PACRG: variants seen among roughly 807,000 people sequenced by gnomAD.
PACRG encodes parkin coregulated gene protein.
A neutral mutation model predicts 29.7 loss-of-function variants in PACRG; 29 were observed. The ratio of observed to expected loss-of-function variants is 0.98; its 90% confidence interval spans 0.73 to 1.33. The LOEUF (loss-of-function observed/expected upper bound fraction) is 1.33, where lower values mean the gene tolerates loss of function less well. PACRG is among the 40% of genes most tolerant of loss of function. The probability of loss-of-function intolerance (pLI) is 0.00; values close to 1 mark genes in which losing one functional copy is unlikely to be tolerated. For synonymous variants in PACRG, 116 were observed against 118.7 expected, an observed-to-expected ratio of 0.98 and a Z score of 0.15; for missense variants, 279 against 316.2, an observed-to-expected ratio of 0.88 and a Z score of 0.89.
chr6:163,072,404 C>T (rs1191765983), intron 3 of PACRG, among the ~76,000 whole-genome samples: 1 of 152,080 alleles, frequency 6.6e-6, no homozygotes, highest in African/African-American at 2.4e-5. Context: ...AAATGTTTAA[C>T]ATCCCTTCAT....
At chr6:162,969,066 A>AG (rs1251729598) in intron 2 of PACRG, among the ~76,000 whole-genome samples, 1 of 150,628 alleles carries the variant, frequency 6.6e-6, no homozygotes, top group Non-Finnish European at 1.5e-5. Context: ...AAAAAAAAAA[A>AG]GTAACAGACT....
At chr6:162,952,740 C>T (rs545290925) in intron 2 of PACRG, among the ~76,000 whole-genome samples, 2 of 152,274 alleles carry the variant, frequency 1.3e-5, no homozygotes, top group African/African-American at 4.8e-5. Context: ...AAGTAGCATG[C>T]ATCATCCTTA....
rs540620284 is a variant in PACRG at position 162,989,052 on chromosome 6, A to T, written c.292-73098A>T. Reference sequence around the variant, plus strand: ...TTAAATAGCCCAATCAAGAATAGACACGTCCAGTGCTACTACTCTGGCAAG... The same window carrying T: ...TTAAATAGCCCAATCAAGAATAGACTCGTCCAGTGCTACTACTCTGGCAAG... On this transcript the variant is annotated intron_variant, in intron 2 of 4. Transcript: ENST00000366888. Among the ~76,000 whole-genome samples, 10 of 152,296 alleles carry T rather than the reference A, an allele frequency of 6.6e-5. No individual in the cohort carries two copies. The East Asian group carries it at 1.9e-3, about 29-fold the overall frequency.
intron 2 of PACRG, among the ~76,000 whole-genome samples, chr6:162,973,111 C>T (rs987560911): frequency 1.7e-4 from 26 of 152,138 alleles, no homozygotes; most frequent in Admixed American, 4.6e-4. Context: ...GTTCCTAGTA[C>T]GGTAAAGTGA....
chr6:163,108,363 C>T (rs994944278), intron 4 of PACRG, among the ~76,000 whole-genome samples: 18 of 150,620 alleles, frequency 1.2e-4, no homozygotes, highest in African/African-American at 3.7e-4. Context: ...CCTGCAGAAC[C>T]GTGAGCCAAT....
Position 163,268,216 on chromosome 6 carries a change from T to C in PACRG, c.614-46611T>C, listed in dbSNP as rs200154301. ...GGGATTGAGACCATCCTGGCCAACA[T>C]GGTGAAACCCCATCTCTACTAAAAA... On this transcript the variant is annotated intron_variant, in intron 4 of 4. Coordinates refer to ENST00000366888, the MANE Select transcript of PACRG (RefSeq NM_001080379.2). 3.3e-3 allele frequency among the ~76,000 whole-genome samples: 500 copies of C among 152,126 alleles called. 8 individuals are homozygous for C. Among genetic ancestry groups the C allele is most frequent in the East Asian group, 0.025 (131 of 5,164 alleles).
intron 4 of PACRG, chr6:163,309,921 A>G (rs951935384): frequency 1.3e-5 from 2 of 152,248 alleles, no homozygotes; most frequent in Non-Finnish European, 2.9e-5. Flanking sequence ...ACGAAAAAGT[A>G]TAGATAGAGT....
chr6:163,092,698 G>A (rs1232388848), intron 4 of PACRG, among the ~76,000 whole-genome samples: 7 of 152,026 alleles, frequency 4.6e-5, no homozygotes, highest in Admixed American at 4.6e-4. Flanking sequence ...CATTAGGGTG[G>A]GCATAATTAG....
At chr6:162,925,998 T>G (rs1308754531) in intron 2 of PACRG, among the ~76,000 whole-genome samples, 3 of 152,094 alleles carry the variant, frequency 2.0e-5, no homozygotes, top group Non-Finnish European at 4.4e-5. Flanking sequence ...CAAGAATTTC[T>G]ATACACCAAC....
intron 2 of PACRG, among the ~76,000 whole-genome samples, chr6:163,046,173 T>A (rs539266376): frequency 6.6e-6 from 1 of 151,008 alleles, no homozygotes; most frequent in Non-Finnish European, 1.5e-5. Context: ...CTCCCCTCTG[T>A]GCCATCACTC....
intron 2 of PACRG, among the ~76,000 whole-genome samples, chr6:162,955,615 G>A (rs1346887443): frequency 1.3e-5 from 2 of 152,120 alleles, no homozygotes; most frequent in African/African-American, 4.8e-5. Context: ...CTGTTTTAAT[G>A]TTCCATTTGT....
intron 4 of PACRG, among the ~76,000 whole-genome samples, chr6:163,223,871 G>GA (rs1010728465): frequency 6.6e-6 from 1 of 152,166 alleles, no homozygotes; most frequent in Non-Finnish European, 1.5e-5. Flanking sequence ...AAATAAAGTA[G>GA]AAACAGAGTG....
chr6:162,896,279 G>A (rs894418315), intron 2 of PACRG, among the ~76,000 whole-genome samples: 14 of 152,226 alleles, frequency 9.2e-5, no homozygotes, highest in Non-Finnish European at 7.3e-5. Context: ...AGGAATTGGA[G>A]TGGGGCTTGG....
intron 2 of PACRG, among the ~76,000 whole-genome samples, chr6:162,944,874 G>A (rs9456820): frequency 0.013 from 2,027 of 151,850 alleles, 46 homozygotes; most frequent in African/African-American, 0.047. Context: ...TGTACCAGAA[G>A]GTGAAGAAAA....
At chr6:162,887,796 T>A (rs921080392) in intron 2 of PACRG, among the ~76,000 whole-genome samples, 3 of 149,198 alleles carry the variant, frequency 2.0e-5, no homozygotes, top group Non-Finnish European at 4.5e-5. Flanking sequence ...TCCCAAAGGC[T>A]GGGCAAGAGA....
intron 2 of PACRG, chr6:162,957,604 TG>T (rs1225822337): frequency 5.5e-6 from 1 of 180,854 alleles, no homozygotes; most frequent in African/African-American, 2.4e-5. Context: ...ACGACGTCCA[TG>T]GAAGAGGCTG....
upstream of PACRG, among the ~76,000 whole-genome samples, chr6:162,727,479 G>A (rs1466547094): frequency 6.6e-6 from 1 of 152,116 alleles, no homozygotes; most frequent in Non-Finnish European, 1.5e-5. Context: ...CGCACACACT[G>A]GGGCCCCGGA....
intron 4 of PACRG, among the ~76,000 whole-genome samples, chr6:163,278,127 T>C (rs1281540964): frequency 6.6e-6 from 1 of 152,212 alleles, no homozygotes; most frequent in African/African-American, 2.4e-5. Context: ...TGGTCATTCA[T>C]ATATCTTCAT....
intron 2 of PACRG, among the ~76,000 whole-genome samples, chr6:162,831,687 G>T (rs1028225284): frequency 6.6e-6 from 1 of 152,150 alleles, no homozygotes; most frequent in Non-Finnish European, 1.5e-5. Context: ...GCCCCAGTGT[G>T]TGTTGTTTCC....
Sources: gnomAD v4.1 joint callset for allele counts (sites outside exome capture counted in the v4.1 genomes callset) on GRCh38, gnomAD v4.1.1 for gene constraint, MANE v1.5 for transcripts, NCBI Gene and HGNC (gene_info 2026-07-23, HGNC 2026-07-21) for gene names.